AGBL1: variants seen among roughly 807,000 people sequenced by gnomAD.
AGBL1 encodes cytosolic carboxypeptidase 4.
In AGBL1, 130 loss-of-function variants were observed where a neutral mutation model predicts 118.9. That is an observed-to-expected ratio of 1.09 (90% confidence interval 0.95 to 1.26). The LOEUF (loss-of-function observed/expected upper bound fraction) is 1.26. Ranked by LOEUF, AGBL1 falls within the 50% of genes most tolerant of loss-of-function variation. The pLI, the probability that AGBL1 is intolerant of heterozygous loss-of-function variation, is 0.00. For missense variants in AGBL1, 1,584 were observed against 1,298.1 expected (o/e 1.22, Z -3.38); for synonymous variants, 555 against 478.9 (o/e 1.16, Z -2.08).
chr15:86,937,812 C>CT (rs1396688100), intron 23 of AGBL1, among the ~76,000 whole-genome samples: 1 of 152,158 alleles, frequency 6.6e-6, no homozygotes, highest in Non-Finnish European at 1.5e-5. Context: ...AAAGTTAAAA[C>CT]AAAAGTTTCT....
intron 22 of AGBL1, among the ~76,000 whole-genome samples, chr15:86,700,468 TACACACACACAC>T (rs67457435): frequency 2.8e-4 from 32 of 114,648 alleles, no homozygotes; most frequent in African/African-American, 5.1e-4. Flanking sequence ...AGCAGACTAA[TACACACACACAC>T]ACACACACAC....
intron 22 of AGBL1, among the ~76,000 whole-genome samples, chr15:86,733,687 C>G (rs886980488): frequency 1.3e-5 from 2 of 152,006 alleles, no homozygotes; most frequent in African/African-American, 4.8e-5. Flanking sequence ...TATATGTGCT[C>G]GTAACAATCT....
intron 19 of AGBL1, among the ~76,000 whole-genome samples, chr15:86,541,950 G>A (rs1419268096): frequency 1.4e-4 from 22 of 152,186 alleles, no homozygotes; most frequent in Non-Finnish European, 2.4e-4. Context: ...CATTAGAAAC[G>A]TGGGCAACAT....
chr15:86,695,303 C>T (rs2086237567), intron 22 of AGBL1, among the ~76,000 whole-genome samples: 1 of 151,926 alleles, frequency 6.6e-6, no homozygotes, highest in Non-Finnish European at 1.5e-5. Context: ...GTTTCTAATT[C>T]TTCCTGATTT....
chr15:87,012,441 T>C (rs16939685), intron 24 of AGBL1, among the ~76,000 whole-genome samples: 15,660 of 152,060 alleles, frequency 0.1, 1,618 homozygotes, highest in African/African-American at 0.27. Context: ...GGTTCGAATA[T>C]ATGGTTCAGT....
intron 17 of AGBL1, among the ~76,000 whole-genome samples, chr15:86,350,713 T>C (rs1216541842): frequency 1.3e-5 from 2 of 152,200 alleles, no homozygotes; most frequent in Non-Finnish European, 2.9e-5. Context: ...AGTTTGGCTA[T>C]CAGAGCTAGA....
At chr15:86,452,336 A>G (rs1186392137) in intron 18 of AGBL1, among the ~76,000 whole-genome samples, 2 of 152,172 alleles carry the variant, frequency 1.3e-5, no homozygotes, top group African/African-American at 4.8e-5. Context: ...TCACCTGGAC[A>G]CTTGTCTCAG....
intron 4 of AGBL1, among the ~76,000 whole-genome samples, chr15:86,156,794 CTT>C (rs773611214): frequency 1.9e-5 from 2 of 105,556 alleles, no homozygotes; most frequent in Admixed American, 9.8e-5. Flanking sequence ...TCTTTTCTTT[CTT>C]TTTTTTTTTT....
At chr15:86,359,485 AC>A (rs1410728980) in intron 17 of AGBL1, among the ~76,000 whole-genome samples, 5 of 145,480 alleles carry the variant, frequency 3.4e-5, no homozygotes, top group African/African-American at 1.3e-4. Flanking sequence ...AGTGCCTCCA[AC>A]TTTTCATTTG....
At chr15:86,084,111 A>C (rs1428966378) in intron 1 of AGBL1, among the ~76,000 whole-genome samples, 2 of 152,190 alleles carry the variant, frequency 1.3e-5, no homozygotes, top group African/African-American at 4.8e-5. Context: ...GAAACCCTAT[A>C]AGGATGAGGG....
In AGBL1 at chr15:86,515,544, A is replaced by T. The variant is rs1567034869; in HGVS notation, c.2556-7266A>T. 2.0e-5 allele frequency among the ~76,000 whole-genome samples: 3 copies of T among 152,308 alleles called. No individual in the cohort carries two copies. The East Asian group carries it at 5.8e-4, about 29-fold the overall frequency. ...TAAACATTGTCTTTTATTATTTCCT[A>T]TTCTAACAATTTTTTGTGAGAATTA... On this transcript the variant is annotated intron_variant, in intron 18 of 22. Transcript: ENST00000614907.
At chr15:86,306,062 G>A (rs549224876) in intron 17 of AGBL1, among the ~76,000 whole-genome samples, 23 of 150,670 alleles carry the variant, frequency 1.5e-4, no homozygotes, top group South Asian at 4.2e-4. Flanking sequence ...ATATATTTAC[G>A]GTGCACATGA....
At chr15:86,791,545 T>C (rs2141330735) in intron 22 of AGBL1, among the ~76,000 whole-genome samples, 1 of 152,202 alleles carries the variant, frequency 6.6e-6, no homozygotes, top group East Asian at 1.9e-4. Flanking sequence ...CAGCTGGAAC[T>C]CAGACACAGA....
Position 86,912,323 on chromosome 15 carries a change from G to T in AGBL1, c.*5029G>T, listed in dbSNP as rs578123929. 7 of 152,238 alleles carry T rather than the reference G, an allele frequency of 4.6e-5. No homozygotes were observed. Among genetic ancestry groups the T allele is most frequent in the African/African-American group, 1.7e-4 (7 of 41,528 alleles). 9.4% of individuals were successfully genotyped at this position (152,238 alleles called of 1,614,324 possible). The stretch of plus-strand genomic sequence containing the variant: ...AAATGCTTAGAGTGGTGATAATGGA[G>T]GGGTGGCATCTCCAAGGGTTCCCAG... On this transcript the variant is annotated 3_prime_UTR_variant, in exon 23 of 23. Coordinates refer to ENST00000614907, the MANE Select transcript of AGBL1 (RefSeq NM_001386094.1).
chr15:86,194,748 T>G (rs2077774090), intron 5 of AGBL1, among the ~76,000 whole-genome samples: 1 of 152,198 alleles, frequency 6.6e-6, no homozygotes, highest in African/African-American at 2.4e-5. Flanking sequence ...CAGGTAACCC[T>G]CTGTTCCAAC....
At chr15:86,833,485 C>T (rs2079133869) in intron 22 of AGBL1, among the ~76,000 whole-genome samples, 1 of 152,096 alleles carries the variant, frequency 6.6e-6, no homozygotes, top group African/African-American at 2.4e-5. Flanking sequence ...CCTCACTCTT[C>T]TCTTGTTGCT....
chr15:86,257,328 G>A (rs1036467067), intron 8 of AGBL1, among the ~76,000 whole-genome samples: 3 of 152,128 alleles, frequency 2.0e-5, no homozygotes, highest in Admixed American at 6.5e-5. Flanking sequence ...TCCCATGATC[G>A]AATCTCTGCA....
At chr15:86,540,031 A>G (rs1567047216) in intron 19 of AGBL1, among the ~76,000 whole-genome samples, 1 of 152,242 alleles carries the variant, frequency 6.6e-6, no homozygotes, top group Non-Finnish European at 1.5e-5. Context: ...TATTCACACA[A>G]TAACAATACA....
intron 18 of AGBL1, among the ~76,000 whole-genome samples, chr15:86,477,652 T>C (rs995703501): frequency 6.6e-6 from 1 of 152,156 alleles, no homozygotes; most frequent in African/African-American, 2.4e-5. Context: ...CTACCAGAGG[T>C]ACAACGAGGA....
Sources: allele counts gnomAD v4.1 joint callset (sites outside exome capture counted in the v4.1 genomes callset), GRCh38; gene constraint gnomAD v4.1.1; transcripts MANE v1.5; gene names NCBI Gene and HGNC (gene_info 2026-07-23, HGNC 2026-07-21).